The following CXCL13 variants were observed in gnomAD, a reference collection of about 807,000 sequenced individuals.
CXCL13 encodes C-X-C motif chemokine ligand 13.
A neutral mutation model predicts 12.2 loss-of-function variants in CXCL13; 7 were observed. The ratio of observed to expected loss-of-function variants is 0.57; its 90% confidence interval spans 0.33 to 1.07. CXCL13 has a LOEUF of 1.07. Ranked by LOEUF, CXCL13 falls within the 50% of genes least tolerant of loss-of-function variation. The pLI is 0.04. For synonymous variants in CXCL13, 47 were observed against 42.4 expected (o/e 1.11, Z -0.42); for missense variants, 113 against 127.4 (o/e 0.89, Z 0.55).
At chr4:77,529,126 C>T (rs1724843271) in intron 1 of CXCL13, among the ~76,000 whole-genome samples, 1 of 152,104 alleles carries the variant, frequency 6.6e-6, no homozygotes, top group South Asian at 2.1e-4. Flanking sequence ...CTGTTCTATT[C>T]CATTGGTCTA....
chr4:77,544,667 T>C (rs1725306669), intron 1 of CXCL13, among the ~76,000 whole-genome samples: 2 of 152,206 alleles, frequency 1.3e-5, no homozygotes, highest in South Asian at 2.1e-4. Flanking sequence ...GATGGGTAGA[T>C]TGCAAAAATT....
At chr4:77,542,476 T>A (rs989639882) in intron 1 of CXCL13, among the ~76,000 whole-genome samples, 1 of 152,134 alleles carries the variant, frequency 6.6e-6, no homozygotes, top group Admixed American at 6.6e-5. Flanking sequence ...GTGCAAGGTG[T>A]CTTAGTCTGT....
In CXCL13 at chr4:77,598,818, A is replaced by AT. The variant is rs200508736; in HGVS notation, c.-42-6995dup. ...TTTTTGGCCTAGCCCCAACACAATGATTTTTTTTTTTCTTTGAGATGGAGT... is the reference window on the plus strand; with the variant it reads ...TTTTTGGCCTAGCCCCAACACAATGATTTTTTTTTTTTCTTTGAGATGGAGT... On this transcript the variant is annotated intron_variant, in intron 1 of 4. Coordinates refer to the CXCL13 transcript ENST00000286758. Among the ~76,000 whole-genome samples, 446 of 148,874 alleles carry AT rather than the reference A, an allele frequency of 3.0e-3. 4 individuals carry two copies. The highest frequency in any genetic ancestry group is 0.01 in the African/African-American group (411 of 40,870).
At chr4:77,550,103 G>T (rs780392400) in intron 1 of CXCL13, among the ~76,000 whole-genome samples, 3 of 152,336 alleles carry the variant, frequency 2.0e-5, no homozygotes, top group Admixed American at 6.5e-5. Context: ...TCAAACTGCT[G>T]TGCTAGCAGT....
Position 77,517,565 on chromosome 4 carries a change from C to T in CXCL13, c.-43+5777C>T, listed in dbSNP as rs182062179. 7.6e-3 allele frequency among the ~76,000 whole-genome samples: 1,154 copies of T among 152,278 alleles called. 14 individuals carry two copies. Among genetic ancestry groups the T allele is most frequent in the African/African-American group, 0.025 (1,042 of 41,548 alleles). On this transcript the variant is annotated intron_variant, in intron 1 of 4. Coordinates refer to the CXCL13 transcript ENST00000286758. ...TGATCCCTTTACCACTATGTAATGG[C>T]CTTCTTTGTCTCTTTTGATCTTTGT... is the stretch of plus-strand genomic sequence containing the variant.
Position 77,519,549 on chromosome 4 carries a change from AC to A in CXCL13, c.-43+7762del, listed in dbSNP as rs764659319. Among the ~76,000 whole-genome samples, 250 of 152,020 alleles carry A rather than the reference AC, an allele frequency of 1.6e-3. 5 individuals carry two copies. In the Middle Eastern group the frequency reaches 0.017, roughly 10 times the overall value. ...AAGTGTCTGTTCATATCCTTTGCCTACTTTTTGATGGGGTTGTTTTTTTCTC... is the reference window on the plus strand; with the variant it reads ...AAGTGTCTGTTCATATCCTTTGCCTATTTTTGATGGGGTTGTTTTTTTCTC... On this transcript the variant is annotated intron_variant, in intron 1 of 4. Coordinates refer to the CXCL13 transcript ENST00000286758.
intron 1 of CXCL13, among the ~76,000 whole-genome samples, chr4:77,541,163 T>G (rs1725198726): frequency 6.6e-6 from 1 of 152,158 alleles, no homozygotes; most frequent in South Asian, 2.1e-4. Flanking sequence ...AGACCTTTGT[T>G]GGATGCACAG....
At chr4:77,541,931 A>G (rs1055776561) in intron 1 of CXCL13, among the ~76,000 whole-genome samples, 2 of 152,018 alleles carry the variant, frequency 1.3e-5, no homozygotes, top group African/African-American at 4.8e-5. Context: ...TCTTTCACCT[A>G]CTTGGTTAGA....
intron 1 of CXCL13, among the ~76,000 whole-genome samples, chr4:77,593,587 C>T (rs1464691601): frequency 6.6e-6 from 1 of 152,244 alleles, no homozygotes; most frequent in African/African-American, 2.4e-5. Context: ...AAAATCATTT[C>T]ACATTTTATT....
At chr4:77,567,342 G>A (rs185653251) in intron 1 of CXCL13, among the ~76,000 whole-genome samples, 64 of 152,284 alleles carry the variant, frequency 4.2e-4, no homozygotes, top group Admixed American at 1.8e-3. Flanking sequence ...TGCCTATTTG[G>A]TGGTCTCTTC....
chr4:77,521,207 G>T (rs909592426), intron 1 of CXCL13, among the ~76,000 whole-genome samples: 5 of 152,152 alleles, frequency 3.3e-5, no homozygotes, highest in African/African-American at 4.8e-5. Flanking sequence ...GCCAGGCTTT[G>T]GTATCAGGAT....
chr4:77,548,709 T>A (rs1265803608), intron 1 of CXCL13, among the ~76,000 whole-genome samples: 3 of 152,268 alleles, frequency 2.0e-5, no homozygotes, highest in Admixed American at 6.5e-5. Context: ...GATCCACTGT[T>A]AATCTGATGG....
chr4:77,564,755 C>T (rs1725884283), intron 1 of CXCL13, among the ~76,000 whole-genome samples: 1 of 152,174 alleles, frequency 6.6e-6, no homozygotes, highest in Non-Finnish European at 1.5e-5. Context: ...TATAGCTCCC[C>T]TACCAAGTAA....
chr4:77,515,045 A>ATAATTTC (rs1724379969), intron 1 of CXCL13, among the ~76,000 whole-genome samples: 1 of 152,082 alleles, frequency 6.6e-6, no homozygotes, highest in Non-Finnish European at 1.5e-5. Flanking sequence ...TTTTCCCAGC[A>ATAATTTC]CCATTTATTA....
At chr4:77,573,894 G>T (rs1394044349) in intron 1 of CXCL13, among the ~76,000 whole-genome samples, 2 of 151,898 alleles carry the variant, frequency 1.3e-5, no homozygotes, top group East Asian at 3.8e-4. Context: ...GACATTAGGG[G>T]TGATTCTAGG....
At chr4:77,577,412 C>A (rs540521323) in intron 1 of CXCL13, among the ~76,000 whole-genome samples, 1 of 151,966 alleles carries the variant, frequency 6.6e-6, no homozygotes, top group African/African-American at 2.4e-5. Flanking sequence ...AGTTGAAGCC[C>A]TAAGAAAGAA....
chr4:77,568,255 C>T (rs566253289), intron 1 of CXCL13, among the ~76,000 whole-genome samples: 1 of 152,206 alleles, frequency 6.6e-6, no homozygotes, highest in African/African-American at 2.4e-5. Context: ...TCTGTCCTTT[C>T]CTGTATTCTT....
At chr4:77,519,657 T>C (rs1327148478) in intron 1 of CXCL13, among the ~76,000 whole-genome samples, 1 of 152,244 alleles carries the variant, frequency 6.6e-6, no homozygotes, top group East Asian at 1.9e-4. Flanking sequence ...TCTCCCATTC[T>C]GTAGGTTGCC....
At chr4:77,541,495 C>A (rs534227404) in intron 1 of CXCL13, among the ~76,000 whole-genome samples, 1 of 152,096 alleles carries the variant, frequency 6.6e-6, no homozygotes, top group Non-Finnish European at 1.5e-5. Flanking sequence ...TTATTTTTGT[C>A]GACTTTGTTG....
Sources: allele counts gnomAD v4.1 joint callset (sites outside exome capture counted in the v4.1 genomes callset), GRCh38; gene constraint gnomAD v4.1.1; transcripts MANE v1.5; gene names NCBI Gene and HGNC (gene_info 2026-07-23, HGNC 2026-07-21).